The following SGCZ variants were observed in gnomAD, a reference collection of about 807,000 sequenced individuals.
SGCZ encodes zeta-sarcoglycan.
In SGCZ, 40 loss-of-function variants were observed where a neutral mutation model predicts 41.3. The ratio of observed to expected loss-of-function variants is 0.97; its 90% CI spans 0.75 to 1.26. The LOEUF is 1.26. Among genes scored for constraint, SGCZ ranks in the 50% most tolerant of loss-of-function variants. SGCZ has a pLI of 0.00. For missense variants in SGCZ, 552 were observed against 369.8 expected (o/e 1.49, Z -4.04); for synonymous variants, 206 against 137.5 (o/e 1.50, Z -3.49).
chr8:15,015,140 G>A (rs1230390442), intron 1 of SGCZ, among the ~76,000 whole-genome samples: 1 of 152,078 alleles, frequency 6.6e-6, no homozygotes, highest in African/African-American at 2.4e-5. Context: ...CTACTTGGGA[G>A]GCTGAGGTGG....
chr8:14,606,998 T>C (rs1158728462), intron 1 of SGCZ, among the ~76,000 whole-genome samples: 1 of 152,176 alleles, frequency 6.6e-6, no homozygotes, highest in African/African-American at 2.4e-5. Context: ...TGTTTTCATA[T>C]TCATCATATA....
chr8:15,188,637 A>C (rs191857922), intron 1 of SGCZ, among the ~76,000 whole-genome samples: 2 of 152,324 alleles, frequency 1.3e-5, no homozygotes, highest in African/African-American at 4.8e-5. Context: ...AAAACGGATA[A>C]GGATCATTTG....
chr8:14,276,403 T>C (rs534536523), intron 3 of SGCZ, among the ~76,000 whole-genome samples: 1 of 152,282 alleles, frequency 6.6e-6, no homozygotes, highest in African/African-American at 2.4e-5. Context: ...CAGGGTTTCA[T>C]TGCATGACTG....
chr8:15,173,718 T>C (rs775335801), intron 1 of SGCZ, among the ~76,000 whole-genome samples: 10 of 152,220 alleles, frequency 6.6e-5, no homozygotes, highest in Non-Finnish European at 1.2e-4. Context: ...CAGTTTTTAA[T>C]TGGCATTTTC....
At chr8:14,670,481 G>A (rs1224429900) in intron 1 of SGCZ, among the ~76,000 whole-genome samples, 4 of 152,140 alleles carry the variant, frequency 2.6e-5, no homozygotes, top group African/African-American at 7.2e-5. Flanking sequence ...CAAAGTTAAA[G>A]TATTTTCGTC....
At chr8:15,124,940 T>A (rs1807624978) in intron 1 of SGCZ, among the ~76,000 whole-genome samples, 1 of 152,166 alleles carries the variant, frequency 6.6e-6, no homozygotes, top group South Asian at 2.1e-4. Context: ...ACATTATGGC[T>A]ATGAATTATG....
chr8:14,227,183 C>T (rs555242052), intron 4 of SGCZ, among the ~76,000 whole-genome samples: 2 of 152,190 alleles, frequency 1.3e-5, no homozygotes, highest in South Asian at 4.1e-4. Flanking sequence ...CCTGGAGTGG[C>T]AGGCTGGTCT....
rs75430958 is a variant in SGCZ at position 14,275,044 on chromosome 8, T to G, written c.337-37365A>C. Among the ~76,000 whole-genome samples the G allele has an allele frequency of 7.7e-3, 1,173 of 152,262 alleles. 24 individuals carry two copies. Among genetic ancestry groups the G allele is most frequent in the African/African-American group, 0.027 (1,133 of 41,558 alleles). On this transcript the variant is annotated intron_variant, in intron 3 of 7. Coordinates refer to ENST00000382080, the MANE Select transcript of SGCZ (RefSeq NM_139167.4). ...GAATTTTAGAATTTAATATCAGACA[T>G]CAGGGATCAGTGAGTTGAATCTTTA...
At chr8:14,619,650 G>T (rs763007520) in intron 1 of SGCZ, among the ~76,000 whole-genome samples, 1 of 151,992 alleles carries the variant, frequency 6.6e-6, no homozygotes. Context: ...ACCAAGAGCA[G>T]ACAAACAGAG....
At chr8:15,236,895 G>A (rs1482303464) in intron 1 of SGCZ, among the ~76,000 whole-genome samples, 1 of 152,076 alleles carries the variant, frequency 6.6e-6, no homozygotes, top group Non-Finnish European at 1.5e-5. Context: ...CTACCAGCCC[G>A]GCTCCCGCCT....
At chr8:14,450,852 G>T (rs180745284) in intron 2 of SGCZ, among the ~76,000 whole-genome samples, 1 of 152,198 alleles carries the variant, frequency 6.6e-6, no homozygotes, top group Admixed American at 6.5e-5. Context: ...CCTGATATGT[G>T]TATTCTCTTC....
chr8:15,229,640 G>A lies in SGCZ; in HGVS notation c.39+7945C>T, dbSNP rs748298514. ...TGATTCAAGAAATCTTGAGGTAAGC[G>A]ATTTATTTCCTTGAATTAGTTTCTC... On this transcript the variant is annotated intron_variant, in intron 1 of 7. Coordinates refer to ENST00000382080, the MANE Select transcript of SGCZ (RefSeq NM_139167.4). Among the ~76,000 whole-genome samples, 12 of 152,142 alleles carry A rather than the reference G, an allele frequency of 7.9e-5. No individual in the cohort carries two copies. In the East Asian group the frequency reaches 2.3e-3, roughly 29 times the overall value.
intron 3 of SGCZ, among the ~76,000 whole-genome samples, chr8:14,289,720 C>A (rs1400286164): frequency 1.3e-5 from 2 of 151,734 alleles, no homozygotes; most frequent in Non-Finnish European, 2.9e-5. Flanking sequence ...GAAAAGACAA[C>A]CCCTTCAATA....
rs1409612241 is a variant in SGCZ, at chr8:14,403,299, T to C, written c.235-79095A>G. Among the ~76,000 whole-genome samples, 3 of 150,390 alleles carry C rather than the reference T, an allele frequency of 2.0e-5. 1 individual carries two copies. The highest frequency in any genetic ancestry group is 7.6e-5 in the African/African-American group (3 of 39,714). ...CCTTTATTTCCTTCTCCTGCCTCAC[T>C]GCCTGGGCCAGAACTTCCAACACTA... is the stretch of plus-strand genomic sequence containing the variant. On this transcript the variant is annotated intron_variant, in intron 2 of 7. Coordinates refer to ENST00000382080, the MANE Select transcript of SGCZ (RefSeq NM_139167.4).
chr8:14,327,979 C>G (rs1337997318), intron 2 of SGCZ, among the ~76,000 whole-genome samples: 1 of 152,178 alleles, frequency 6.6e-6, no homozygotes, highest in Admixed American at 6.5e-5. Context: ...CAGGGTTTCA[C>G]CATGCTGGAC....
chr8:14,146,379 C>T (rs1803520839), intron 5 of SGCZ, among the ~76,000 whole-genome samples: 1 of 152,100 alleles, frequency 6.6e-6, no homozygotes, highest in African/African-American at 2.4e-5. Context: ...AAAACTTCCC[C>T]AGACAAACTA....
chr8:14,509,889 AACTC>A (rs1366357722), intron 2 of SGCZ, among the ~76,000 whole-genome samples: 6 of 152,018 alleles, frequency 3.9e-5, no homozygotes, highest in Non-Finnish European at 8.8e-5. Flanking sequence ...ATTTCATGAG[AACTC>A]ACTCACTATC....
chr8:15,029,970 C>T (rs1409260449), intron 1 of SGCZ, among the ~76,000 whole-genome samples: 1 of 152,116 alleles, frequency 6.6e-6, no homozygotes, highest in Non-Finnish European at 1.5e-5. Flanking sequence ...ACACTTAATT[C>T]AACAAAAGTC....
chr8:14,526,558 T>G (rs1233843296), intron 2 of SGCZ, among the ~76,000 whole-genome samples: 1 of 152,182 alleles, frequency 6.6e-6, no homozygotes, highest in African/African-American at 2.4e-5. Flanking sequence ...TATATTTATT[T>G]CTACACAATT....
Sources: gnomAD v4.1 joint callset for allele counts (sites outside exome capture counted in the v4.1 genomes callset) on GRCh38, gnomAD v4.1.1 for gene constraint, MANE v1.5 for transcripts, NCBI Gene and HGNC (gene_info 2026-07-23, HGNC 2026-07-21) for gene names.